Variants in ZFAT observed in about 807,000 individuals in gnomAD.
ZFAT encodes zinc finger protein ZFAT.
ZFAT carries 64 observed loss-of-function variants against 117.7 expected under a neutral mutation model. That is an observed-to-expected ratio of 0.54 (90% confidence interval 0.44 to 0.67). ZFAT has a LOEUF of 0.67. Ranked by LOEUF, ZFAT falls within the 30% of genes least tolerant of loss-of-function variation. The pLI, the probability that ZFAT is intolerant of heterozygous loss-of-function variation, is 0.00. For synonymous variants in ZFAT, 679 were observed against 615.0 expected (o/e 1.10, Z -1.54); for missense variants, 1,433 against 1,584.5 (o/e 0.90, Z 1.62).
the ZFAT span, among the ~76,000 whole-genome samples, chr8:134,756,948 G>A: frequency 4.0e-5 from 6 of 151,826 alleles, no homozygotes; most frequent in African/African-American, 9.7e-5. Context: ...GGTTGAGTAC[G>A]GCCTCAATTA....
chr8:134,604,704 T>C (rs1304246640), intron 5 of ZFAT, among the ~76,000 whole-genome samples: 1 of 152,266 alleles, frequency 6.6e-6, no homozygotes, highest in Non-Finnish European at 1.5e-5. Flanking sequence ...ACAGGTGGCC[T>C]TGTCTTTAAA....
intron 10 of ZFAT, among the ~76,000 whole-genome samples, chr8:134,570,506 C>T (rs143901466): frequency 4.6e-5 from 7 of 152,256 alleles, no homozygotes; most frequent in Non-Finnish European, 7.3e-5. Context: ...TTGCAATCAC[C>T]GAAGCAGTGC....
intron 10 of ZFAT, among the ~76,000 whole-genome samples, chr8:134,578,040 G>A (rs1040892184): frequency 7.1e-6 from 1 of 141,542 alleles, no homozygotes; most frequent in African/African-American, 2.5e-5. Flanking sequence ...ATTCAGACAG[G>A]GGGAAAGAAC....
the ZFAT span, chr8:134,794,817 C>T: frequency 6.6e-6 from 1 of 152,192 alleles, no homozygotes; most frequent in Non-Finnish European, 1.5e-5. Flanking sequence ...CTGGGATACA[C>T]ATCATGTGAT....
rs996091643 is a variant in ZFAT, at chr8:134,551,766, A to T, written c.2976+13567T>A. On this transcript the variant is annotated intron_variant, in intron 11 of 15. Coordinates refer to ENST00000377838, the MANE Select transcript of ZFAT (RefSeq NM_020863.4). ...CCTCATCCAAACATCACCTTTGTTC[A>T]ACTGAGTACCCAAGCCCCTTATACA... 1.8e-4 allele frequency among the ~76,000 whole-genome samples: 28 copies of T among 152,318 alleles called. 1 individual carries two copies. Among genetic ancestry groups the T allele is most frequent in the African/African-American group, 5.5e-4 (23 of 41,572 alleles).
chr8:134,772,185 G>A, the ZFAT span, among the ~76,000 whole-genome samples: 1 of 152,318 alleles, frequency 6.6e-6, no homozygotes, highest in Admixed American at 6.5e-5. Context: ...CAAATGAATG[G>A]AAGAGTCACA....
Position 134,602,433 on chromosome 8 carries a change from T to C in ZFAT, c.1286A>G (p.Lys429Arg), listed in dbSNP as rs750471572. Reference protein sequence around the residue: ...RDRHMLVHGDKWPFACELCGH... With the variant: ...RDRHMLVHGDRWPFACELCGH... ...ACAGAGCTCACAGGCAAAAGGCCACTTGTCTCCGTGGACCAGCATATGGCG... is the reference window on the plus strand; with the variant it reads ...ACAGAGCTCACAGGCAAAAGGCCACCTGTCTCCGTGGACCAGCATATGGCG... Residue 429 changes from lysine to arginine, a missense_variant, in exon 6 of 16, where the codon AAG becomes AGG. By Grantham distance (26) the Lys-to-Arg change is conservative. Transcript: ENST00000377838. 6.2e-7 allele frequency: 1 copy of C among 1,613,818 alleles called. No homozygotes were observed. The highest frequency in any genetic ancestry group is 8.5e-7 in the Non-Finnish European group (1 of 1,179,992).
the ZFAT span, among the ~76,000 whole-genome samples, chr8:134,770,745 C>A: frequency 2.2e-4 from 34 of 152,216 alleles, no homozygotes; most frequent in Non-Finnish European, 4.6e-4. Context: ...TCACTGAATT[C>A]TTTTTCTCAG....
chr8:134,579,735 G>A (rs1379871661), intron 10 of ZFAT, among the ~76,000 whole-genome samples: 2 of 152,132 alleles, frequency 1.3e-5, no homozygotes, highest in Non-Finnish European at 2.9e-5. Flanking sequence ...CAGATCGCTT[G>A]AGGTCAGGAG....
intron 5 of ZFAT, among the ~76,000 whole-genome samples, chr8:134,604,747 A>G (rs79979677): frequency 0.058 from 8,806 of 152,336 alleles, 326 homozygotes; most frequent in South Asian, 0.1. Flanking sequence ...CAGTCCATAA[A>G]TACCAGAGGG....
rs1021926774 is a variant in ZFAT at position 134,551,426 on chromosome 8, C to T, written c.2976+13907G>A. The stretch of plus-strand genomic sequence containing the variant: ...GCTATTACAAAGAAACCAGTCCACC[C>T]GTCTTATTCATTCTAATGCTAGATA... On this transcript the variant is annotated intron_variant, in intron 11 of 15. Transcript: ENST00000377838. Among the ~76,000 whole-genome samples, 4 of 152,118 alleles carry T rather than the reference C, an allele frequency of 2.6e-5. No homozygotes were observed. The South Asian group carries it at 8.3e-4, about 32-fold the overall frequency.
rs145881615 is a variant in ZFAT, at chr8:134,673,032, A to G, written c.20-15295T>C. Reference sequence around the variant, plus strand: ...GTTTGACGGTTGAAACAAAAAGCCTATCTCTGTGGGAAGTGGTTCTCAATG... The same window carrying G: ...GTTTGACGGTTGAAACAAAAAGCCTGTCTCTGTGGGAAGTGGTTCTCAATG... On this transcript the variant is annotated intron_variant, in intron 1 of 15. Coordinates refer to ENST00000377838, the MANE Select transcript of ZFAT (RefSeq NM_020863.4). The G allele has an allele frequency of 1.2e-3, 184 of 152,312 alleles. 1 individual carries two copies. The highest frequency in any genetic ancestry group is 4.2e-3 in the African/African-American group (174 of 41,580). 9.4% of individuals were successfully genotyped at this position (152,312 alleles called of 1,614,324 possible).
intron 15 of ZFAT, among the ~76,000 whole-genome samples, chr8:134,496,360 G>T (rs904903076): frequency 1.3e-5 from 2 of 152,210 alleles, no homozygotes; most frequent in Non-Finnish European, 2.9e-5. Flanking sequence ...CTGTGCCAAG[G>T]ACTCCTCCAT....
chr8:134,796,916 C>G, the ZFAT span: 2 of 152,156 alleles, frequency 1.3e-5, no homozygotes, highest in Non-Finnish European at 2.9e-5. Flanking sequence ...TTCTGCACAT[C>G]TAATCATGAC....
rs1316818934 is a variant in ZFAT, at chr8:134,653,154, G to GT, written c.196+4406_196+4407insA. Among the ~76,000 whole-genome samples, 25 of 138,080 alleles carry GT rather than the reference G, an allele frequency of 1.8e-4. No individual in the cohort carries two copies. The East Asian group carries it at 2.0e-3, about 11-fold the overall frequency. 90.6% of individuals were successfully genotyped at this position (138,080 alleles called of 152,430 possible). ...AAAGAGAAGGTCGGGTTTTTGGTGG[G>GT]GTTTTTTTTTTCATTATTATTATTA... On this transcript the variant is annotated intron_variant, in intron 2 of 15. Transcript: ENST00000377838.
At chr8:134,796,044 C>G in the ZFAT span, 1 of 152,186 alleles carries the variant, frequency 6.6e-6, no homozygotes, top group Non-Finnish European at 1.5e-5. Flanking sequence ...ACTGACTATT[C>G]CCAGAGGGTG....
At chr8:134,538,591 G>C (rs1036814961) in intron 11 of ZFAT, among the ~76,000 whole-genome samples, 7 of 152,116 alleles carry the variant, frequency 4.6e-5, no homozygotes, top group African/African-American at 1.7e-4. Flanking sequence ...TAGGTCAGGA[G>C]TTCGAGACCA....
At chr8:134,662,202 C>T (rs1831967469) in intron 1 of ZFAT, among the ~76,000 whole-genome samples, 1 of 152,112 alleles carries the variant, frequency 6.6e-6, no homozygotes, top group Admixed American at 6.5e-5. Context: ...TCTTTTATAA[C>T]AGCAATAATT....
the ZFAT span, among the ~76,000 whole-genome samples, chr8:134,823,295 A>T: frequency 0.31 from 47,508 of 151,850 alleles, 8,276 homozygotes; most frequent in African/African-American, 0.46. Flanking sequence ...TCTTAAGTTT[A>T]AAAAAAATTA....
Sources: gnomAD v4.1 joint callset for allele counts (sites outside exome capture counted in the v4.1 genomes callset) on GRCh38, gnomAD v4.1.1 for gene constraint, MANE v1.5 for transcripts, NCBI Gene and HGNC (gene_info 2026-07-23, HGNC 2026-07-21) for gene names.